DDX4: variants seen among roughly 807,000 people sequenced by gnomAD.
DDX4 encodes probable ATP-dependent RNA helicase DDX4.
DDX4 carries 25 observed loss-of-function variants against 100.0 expected under a neutral mutation model. That is an observed-to-expected ratio of 0.25 (90% CI 0.18 to 0.35). The LOEUF (loss-of-function observed/expected upper bound fraction) is 0.35. Among genes scored for constraint, DDX4 ranks in the 10% least tolerant of loss-of-function variants. The probability of loss-of-function intolerance (pLI) is 1.00; values close to 1 mark genes in which losing one functional copy is unlikely to be tolerated. For synonymous variants in DDX4, 259 were observed against 275.7 expected (o/e 0.94, Z 0.60); for missense variants, 635 against 882.4 (o/e 0.72, Z 3.55).
intron 3 of DDX4, among the ~76,000 whole-genome samples, chr5:55,749,892 A>G (rs775681395): frequency 1.3e-5 from 2 of 148,892 alleles, no homozygotes; most frequent in Non-Finnish European, 3.0e-5. Context: ...AGTTAACTGG[A>G]TTACAAACTA....
chr5:55,792,123 C>CAAAAAAAAAA (rs35635463), intron 16 of DDX4, among the ~76,000 whole-genome samples: 1 of 52,068 alleles, frequency 1.9e-5, no homozygotes, highest in Non-Finnish European at 3.8e-5. Context: ...GACTCCTTCT[C>CAAAAAAAAAA]AAAAAAAAAA....
At chr5:55,749,704 T>C (rs1759436437) in intron 3 of DDX4, among the ~76,000 whole-genome samples, 1 of 152,194 alleles carries the variant, frequency 6.6e-6, no homozygotes, top group Non-Finnish European at 1.5e-5. Context: ...TGCTGATTTC[T>C]TTATTACTCA....
chr5:55,768,119 A>C, intron 7 of DDX4, 179 bp downstream of exon 7: 1 of 588,480 alleles, frequency 1.7e-6, no homozygotes. Context: ...CCCTCCTTTC[A>C]CTCTTTTATT....
At chr5:55,743,684 CT>C (rs906221611) in intron 2 of DDX4, among the ~76,000 whole-genome samples, 37 of 152,172 alleles carry the variant, frequency 2.4e-4, no homozygotes, top group African/African-American at 8.7e-4. Context: ...GCTGCCTCGG[CT>C]TCCCAAAGTT....
intron 17 of DDX4, among the ~76,000 whole-genome samples, chr5:55,797,452 T>C (rs1743034558): frequency 6.6e-6 from 1 of 152,144 alleles, no homozygotes; most frequent in South Asian, 2.1e-4. Context: ...TTCAGATGAT[T>C]TCAAGATTTG....
intron 18 of DDX4, among the ~76,000 whole-genome samples, chr5:55,812,573 A>G (rs1580614630): frequency 6.6e-6 from 1 of 152,056 alleles, no homozygotes; most frequent in East Asian, 1.9e-4. Context: ...AGCCTGGGCA[A>G]CAGAGCGAGA....
intron 7 of DDX4, among the ~76,000 whole-genome samples, chr5:55,779,351 A>G (rs72761931): frequency 1.3e-5 from 2 of 152,222 alleles, no homozygotes; most frequent in African/African-American, 2.4e-5. Flanking sequence ...CTCTTTAAGT[A>G]TAAATAGTTG....
At chr5:55,805,737 T>G (rs932152929) in intron 18 of DDX4, among the ~76,000 whole-genome samples, 2 of 152,256 alleles carry the variant, frequency 1.3e-5, no homozygotes, top group Non-Finnish European at 2.9e-5. Flanking sequence ...AGTATTTTCT[T>G]GAGGATTTTT....
At chr5:55,747,773 C>G (rs535158586) in intron 3 of DDX4, among the ~76,000 whole-genome samples, 6 of 152,148 alleles carry the variant, frequency 3.9e-5, no homozygotes, top group African/African-American at 1.2e-4. Context: ...CCATCTACTT[C>G]CGGTGAATTT....
intron 3 of DDX4, among the ~76,000 whole-genome samples, chr5:55,750,713 A>G (rs972394313): frequency 6.6e-6 from 1 of 152,204 alleles, no homozygotes; most frequent in African/African-American, 2.4e-5. Context: ...GGTGGAGGAC[A>G]TGACTGCTCT....
intron 6 of DDX4, chr5:55,767,046 A>G: frequency 6.8e-7 from 1 of 1,467,102 alleles, no homozygotes. Context: ...TACTAATATC[A>G]AAAATGGAGA....
chr5:55,782,048 G>A, intron 10 of DDX4, 67 bp downstream of exon 10: 2 of 1,561,652 alleles, frequency 1.3e-6, no homozygotes, highest in Admixed American at 1.8e-5. Context: ...ATTTTTTTCT[G>A]TACTTCACTG....
At chr5:55,786,323 T>G (rs1742245308) in intron 13 of DDX4, among the ~76,000 whole-genome samples, 195 bp from the exon 14 acceptor site, 1 of 152,180 alleles carries the variant, frequency 6.6e-6, no homozygotes, top group East Asian at 1.9e-4. Context: ...GGAGAATACT[T>G]CATGATTCTG....
Position 55,779,989 on chromosome 5 carries a change from A to G in DDX4, c.420A>G (p.Glu140=), listed in dbSNP as rs1262747307. The G allele has an allele frequency of 6.2e-7, 1 of 1,613,898 alleles. No individual in the cohort carries two copies. The highest frequency in any genetic ancestry group is 1.3e-5 in the African/African-American group (1 of 75,062). Reference sequence around the variant, plus strand: ...GCTATCGAGATGGAAATAATTCAGAAGCTTCAGGGCCATACAGAAGAGGTG... The same window carrying G: ...GCTATCGAGATGGAAATAATTCAGAGGCTTCAGGGCCATACAGAAGAGGTG... ...RGGYRDGNNS[E]ASGPYRRGGR... The change falls in exon 8 of 22, where the codon GAA becomes GAG. Residue 140 remains glutamate, a synonymous_variant. Coordinates refer to ENST00000505374, the MANE Select transcript of DDX4 (RefSeq NM_024415.3).
At chr5:55,741,442 C>G (rs1057296644) in intron 2 of DDX4, among the ~76,000 whole-genome samples, 1 of 152,104 alleles carries the variant, frequency 6.6e-6, no homozygotes, top group East Asian at 1.9e-4. Context: ...TTAGTTGACT[C>G]GAAGGAACAT....
intron 7 of DDX4, among the ~76,000 whole-genome samples, chr5:55,773,570 G>GT (rs1226691947): frequency 1.3e-5 from 2 of 151,540 alleles, no homozygotes; most frequent in African/African-American, 4.8e-5. Flanking sequence ...TATTACTGGT[G>GT]TTTTTTTAAT....
chr5:55,810,592 T>C (rs1411604549), intron 18 of DDX4, among the ~76,000 whole-genome samples: 1 of 152,174 alleles, frequency 6.6e-6, no homozygotes, highest in Non-Finnish European at 1.5e-5. Flanking sequence ...ATTTTATCTA[T>C]TCTCTTTAAT....
chr5:55,757,582 TATA>T (rs1283434913), intron 3 of DDX4, among the ~76,000 whole-genome samples: 1 of 152,224 alleles, frequency 6.6e-6, no homozygotes, highest in African/African-American at 2.4e-5. Flanking sequence ...TATCTTTTCA[TATA>T]ATGACTTCTT....
intron 13 of DDX4, 120 bp from the exon 14 acceptor site, chr5:55,786,398 T>C (rs1742251057): frequency 3.0e-6 from 2 of 666,880 alleles, no homozygotes; most frequent in South Asian, 2.5e-5. Flanking sequence ...GTTACTAAAG[T>C]CACTTTAGTA....
Sources: gnomAD v4.1 joint callset for allele counts (sites outside exome capture counted in the v4.1 genomes callset) on GRCh38, gnomAD v4.1.1 for gene constraint, MANE v1.5 for transcripts, NCBI Gene and HGNC (gene_info 2026-07-23, HGNC 2026-07-21) for gene names.